KCND3: variants seen among roughly 807,000 people sequenced by gnomAD.
KCND3 encodes the protein A-type voltage-gated potassium channel KCND3.
Under a neutral mutation model 51.1 loss-of-function variants are expected in KCND3, and 9 were observed. The observed-to-expected ratio is 0.18, with a 90% CI of 0.11 to 0.31. The LOEUF is 0.31. Ranked by LOEUF, KCND3 falls within the 10% of genes least tolerant of loss-of-function variation. The pLI, the probability that KCND3 is intolerant of heterozygous loss-of-function variation, is 1.00. For synonymous variants in KCND3, 349 were observed against 368.0 expected (o/e 0.95, Z 0.59); for missense variants, 526 against 903.8 (o/e 0.58, Z 5.36).
intron 2 of KCND3, among the ~76,000 whole-genome samples, chr1:111,867,936 C>T (rs759086124): frequency 3.9e-5 from 6 of 152,170 alleles, no homozygotes; most frequent in Admixed American, 1.3e-4. Context: ...TGGAGGAAGT[C>T]GCTCTAAGCC....
chr1:111,785,225 C>T (rs1664555043), intron 3 of KCND3, among the ~76,000 whole-genome samples: 1 of 152,172 alleles, frequency 6.6e-6, no homozygotes, highest in African/African-American at 2.4e-5. Flanking sequence ...CAGCTCTAGC[C>T]CCTTGGGGGC....
intron 2 of KCND3, among the ~76,000 whole-genome samples, chr1:111,806,422 G>T (rs1035175392): frequency 6.6e-6 from 1 of 152,150 alleles, no homozygotes; most frequent in African/African-American, 2.4e-5. Context: ...TAATGGGAAC[G>T]CTATGGGCTT....
chr1:111,799,602 CAAG>C (rs1291946797), intron 2 of KCND3, among the ~76,000 whole-genome samples: 1 of 152,156 alleles, frequency 6.6e-6, no homozygotes, highest in Non-Finnish European at 1.5e-5. Flanking sequence ...CCTATTAAGA[CAAG>C]AAGGAGGGCA....
intron 2 of KCND3, among the ~76,000 whole-genome samples, chr1:111,813,372 G>A (rs1665943682): frequency 6.6e-6 from 1 of 152,224 alleles, no homozygotes; most frequent in Non-Finnish European, 1.5e-5. Context: ...TCAGAAAAGA[G>A]TCATGGCAAC....
At chr1:111,969,576 A>G (rs1674209460) in intron 2 of KCND3, among the ~76,000 whole-genome samples, 1 of 152,206 alleles carries the variant, frequency 6.6e-6, no homozygotes, top group Non-Finnish European at 1.5e-5. Context: ...CTGCTCTCAT[A>G]TGGTTATTGG....
chr1:111,925,673 G>A (rs1297125711), intron 2 of KCND3, among the ~76,000 whole-genome samples: 1 of 152,178 alleles, frequency 6.6e-6, no homozygotes, highest in African/African-American at 2.4e-5. Context: ...AGCTCTCATG[G>A]GCAGTTAGTT....
intron 2 of KCND3, among the ~76,000 whole-genome samples, chr1:111,954,839 G>A (rs1673242212): frequency 6.6e-6 from 1 of 152,314 alleles, no homozygotes; most frequent in Admixed American, 6.5e-5. Flanking sequence ...TTTCTCTAGG[G>A]AGGAAACTGG....
In KCND3 at chr1:111,807,862, G is replaced by A. The variant is rs1665651789; in HGVS notation, c.1107-20756C>T. 1.3e-5 allele frequency among the ~76,000 whole-genome samples: 2 copies of A among 152,122 alleles called. 1 individual carries two copies. Among genetic ancestry groups the A allele is most frequent in the South Asian group, 4.1e-4 (2 of 4,828 alleles). On this transcript the variant is annotated intron_variant, in intron 2 of 7. Coordinates refer to ENST00000302127, the MANE Select transcript of KCND3 (RefSeq NM_001378969.1). ...GAACTTATGTCCATTGTTAAGTGATGCATGGCTGTATTGGAAGTATCAGAC... is the reference window on the plus strand; with the variant it reads ...GAACTTATGTCCATTGTTAAGTGATACATGGCTGTATTGGAAGTATCAGAC...
chr1:111,869,790 C>T (rs745522104), intron 2 of KCND3, among the ~76,000 whole-genome samples: 2 of 152,154 alleles, frequency 1.3e-5, no homozygotes, highest in African/African-American at 4.8e-5. Context: ...CAGAAGACCA[C>T]GGGTCTTTAC....
chr1:111,866,238 CTTCT>C (rs1265474418), intron 2 of KCND3, among the ~76,000 whole-genome samples: 54 of 139,666 alleles, frequency 3.9e-4, no homozygotes, highest in African/African-American at 1.2e-3. Context: ...TCCTTCTTTT[CTTCT>C]TTCTTTCTTT....
chr1:111,912,649 G>A (rs1305212285), intron 2 of KCND3, among the ~76,000 whole-genome samples: 1 of 152,164 alleles, frequency 6.6e-6, no homozygotes, highest in African/African-American at 2.4e-5. Flanking sequence ...AAGATGTAGA[G>A]GTGGAAAACA....
At chr1:111,917,022 T>C (rs1671246701) in intron 2 of KCND3, among the ~76,000 whole-genome samples, 2 of 152,200 alleles carry the variant, frequency 1.3e-5, no homozygotes, top group Admixed American at 1.3e-4. Flanking sequence ...TAATTGATCA[T>C]ACAATAGACT....
intron 2 of KCND3, among the ~76,000 whole-genome samples, chr1:111,930,160 T>G (rs868567149): frequency 2.1e-5 from 3 of 145,920 alleles, no homozygotes; most frequent in African/African-American, 7.5e-5. Flanking sequence ...TCGGTTTTTG[T>G]TTTTTTTTTT....
At chr1:111,871,570 G>A (rs565295086) in intron 2 of KCND3, among the ~76,000 whole-genome samples, 2 of 152,332 alleles carry the variant, frequency 1.3e-5, no homozygotes, top group South Asian at 4.1e-4. Flanking sequence ...TTAATGGATT[G>A]TAAGGAATGA....
At chr1:111,889,974 T>C (rs1348679548) in intron 2 of KCND3, among the ~76,000 whole-genome samples, 3 of 152,042 alleles carry the variant, frequency 2.0e-5, no homozygotes, top group Non-Finnish European at 4.4e-5. Flanking sequence ...CCTGGAACAT[T>C]GAGGGACAAC....
At chr1:111,895,370 A>T (rs905907244) in intron 2 of KCND3, among the ~76,000 whole-genome samples, 2 of 152,216 alleles carry the variant, frequency 1.3e-5, no homozygotes, top group Admixed American at 1.3e-4. Context: ...GGCCTCACAG[A>T]GCAAAGTGCA....
chr1:111,849,794 G>A (rs567404849), intron 2 of KCND3, among the ~76,000 whole-genome samples: 6 of 152,230 alleles, frequency 3.9e-5, no homozygotes, highest in South Asian at 2.1e-4. Flanking sequence ...TGAAAACTCC[G>A]TGGCCCTGTC....
chr1:111,890,306 A>G (rs1040396088), intron 2 of KCND3, among the ~76,000 whole-genome samples: 1 of 152,176 alleles, frequency 6.6e-6, no homozygotes, highest in East Asian at 1.9e-4. Context: ...CTCAGGGAAG[A>G]GCCAGCAAGA....
chr1:111,905,276 G>A (rs752165946), intron 2 of KCND3, among the ~76,000 whole-genome samples: 7 of 152,216 alleles, frequency 4.6e-5, no homozygotes, highest in Non-Finnish European at 7.3e-5. Context: ...CAGAACAGGA[G>A]ACACTGATGG....
Sources: gnomAD v4.1 joint callset for allele counts (sites outside exome capture counted in the v4.1 genomes callset) on GRCh38, gnomAD v4.1.1 for gene constraint, MANE v1.5 for transcripts, NCBI Gene and HGNC (gene_info 2026-07-23, HGNC 2026-07-21) for gene names.